LRP6: variants seen among roughly 807,000 people sequenced by gnomAD.
LRP6 encodes the protein low-density lipoprotein receptor-related protein 6.
A neutral mutation model predicts 184.1 loss-of-function variants in LRP6; 43 were observed. The ratio of observed to expected loss-of-function variants is 0.23; its 90% CI spans 0.18 to 0.30. The LOEUF (loss-of-function observed/expected upper bound fraction) is 0.30. Ranked by LOEUF, LRP6 falls within the 10% of genes least tolerant of loss-of-function variation. LRP6 has a pLI of 1.00. For missense variants in LRP6, 1,571 were observed against 2,005.3 expected (o/e 0.78, Z 4.14); for synonymous variants, 719 against 684.9 (o/e 1.05, Z -0.78).
chr12:12,129,212 TA>T (rs1209040846), intron 19 of LRP6, among the ~76,000 whole-genome samples: 2 of 152,238 alleles, frequency 1.3e-5, no homozygotes, highest in Non-Finnish European at 2.9e-5. Flanking sequence ...TCCCTGCCTA[TA>T]AGCTTATCAC....
intron 12 of LRP6, among the ~76,000 whole-genome samples, chr12:12,154,680 C>T (rs1369546137): frequency 6.6e-6 from 1 of 151,830 alleles, no homozygotes; most frequent in Admixed American, 6.6e-5. Flanking sequence ...ACCTGGGCAA[C>T]ACAGTAAGAC....
chr12:12,235,705 G>A (rs1177874732), intron 2 of LRP6, among the ~76,000 whole-genome samples: 2 of 151,732 alleles, frequency 1.3e-5, no homozygotes, highest in Non-Finnish European at 2.9e-5. Flanking sequence ...ACTCCAGCCT[G>A]GGCAACAAGG....
chr12:12,162,264 C>A lies in LRP6; in HGVS notation c.2208G>T (p.Gly736=), dbSNP rs748848379. The part of the protein sequence containing the change: ...TNRIEVSKLD[G]QHRQVLVWKD... ...TCCACACCAAAACTTGTCGGTGCTG[C>A]CCATCCAACTTTGACACCTCAATTC... The change falls in exon 10 of 23, where the codon GGG becomes GGT. Residue 736 remains glycine (G), a synonymous_variant. Coordinates refer to ENST00000261349, the MANE Select transcript of LRP6 (RefSeq NM_002336.3). 2.5e-6 allele frequency: 4 copies of A among 1,614,058 alleles called. No homozygotes were observed. In the African/African-American group the frequency reaches 5.3e-5, roughly 22 times the overall value.
intron 15 of LRP6, chr12:12,138,862 C>T (rs746918042): frequency 7.3e-7 from 1 of 1,378,420 alleles, no homozygotes; most frequent in South Asian, 1.1e-5. Flanking sequence ...TCTGGAGGAG[C>T]AGTGGTGGTG....
Position 12,203,110 on chromosome 12 carries a change from A to G in LRP6, c.647+93T>C, listed in dbSNP as rs549696989. 22 of 903,598 alleles carry G rather than the reference A, an allele frequency of 2.4e-5. 1 individual carries two copies. The East Asian group carries it at 5.7e-4, about 23-fold the overall frequency. 56.0% of individuals were successfully genotyped at this position (903,598 alleles called of 1,614,324 possible). On this transcript the variant is annotated intron_variant, in intron 3 of 22. Coordinates refer to ENST00000261349, the MANE Select transcript of LRP6 (RefSeq NM_002336.3). ...TCTTCCCCTCTGGCACTTAGTCAAAAATAAACATATTTCTTAATAAAATTA... is the reference window on the plus strand; with the variant it reads ...TCTTCCCCTCTGGCACTTAGTCAAAGATAAACATATTTCTTAATAAAATTA...
chr12:12,127,028 G>C (rs1949682116), intron 19 of LRP6, 107 bp from the exon 20 acceptor site: 6 of 912,366 alleles, frequency 6.6e-6, no homozygotes, highest in Non-Finnish European at 1.1e-5. Context: ...TAAGCCTAAT[G>C]AAGATAATTC....
At chr12:12,196,687 C>T (rs1863771847) in intron 3 of LRP6, among the ~76,000 whole-genome samples, 1 of 151,802 alleles carries the variant, frequency 6.6e-6, no homozygotes, top group South Asian at 2.1e-4. Context: ...ATTTATATGT[C>T]CAGATCTGCT....
At chr12:12,227,872 G>GT (rs1338216170) in intron 2 of LRP6, among the ~76,000 whole-genome samples, 3 of 152,170 alleles carry the variant, frequency 2.0e-5, no homozygotes, top group East Asian at 1.9e-4. Flanking sequence ...CAATTCTGTT[G>GT]TAAGTCCAAA....
chr12:12,160,468 T>G (rs929677464), intron 10 of LRP6, among the ~76,000 whole-genome samples: 4 of 152,210 alleles, frequency 2.6e-5, no homozygotes, highest in Admixed American at 6.5e-5. Context: ...ATACTAAGCC[T>G]TTAACTGAAG....
chr12:12,164,183 G>T (rs1591903771), intron 9 of LRP6, 90 bp downstream of exon 9: 4 of 1,152,734 alleles, frequency 3.5e-6, no homozygotes, highest in African/African-American at 3.1e-5. Flanking sequence ...GTCAAACAAT[G>T]AGGGAGGTGG....
chr12:12,243,734 G>A (rs188064227), intron 2 of LRP6, among the ~76,000 whole-genome samples: 5 of 152,140 alleles, frequency 3.3e-5, no homozygotes, highest in South Asian at 4.1e-4. Flanking sequence ...TGGGCAACAC[G>A]GTGAAATTCT....
intron 1 of LRP6, among the ~76,000 whole-genome samples, chr12:12,250,970 A>G (rs1391987265): frequency 6.6e-6 from 1 of 151,478 alleles, no homozygotes; most frequent in East Asian, 1.9e-4. Context: ...TCGCTCTGTC[A>G]CCCAGGCTGG....
intron 2 of LRP6, among the ~76,000 whole-genome samples, chr12:12,204,951 G>C (rs1028566338): frequency 6.6e-6 from 1 of 150,438 alleles, no homozygotes; most frequent in Admixed American, 6.6e-5. Context: ...TGGACAACAA[G>C]ACTCCGTCTC....
At chr12:12,203,683 G>A (rs909600243) in intron 2 of LRP6, among the ~76,000 whole-genome samples, 1 of 152,098 alleles carries the variant, frequency 6.6e-6, no homozygotes, top group Non-Finnish European at 1.5e-5. Flanking sequence ...CAGGAGAATC[G>A]CTTGAACCCG....
chr12:12,190,298 C>A (rs979210290), intron 3 of LRP6, among the ~76,000 whole-genome samples: 1 of 152,178 alleles, frequency 6.6e-6, no homozygotes, highest in Admixed American at 6.5e-5. Context: ...TTGATCATGG[C>A]TGCTAAGAAC....
Position 12,126,936 on chromosome 12 carries a change from G to T in LRP6, c.4082-15C>A, listed in dbSNP as rs113748179. The stretch of plus-strand genomic sequence containing the variant: ...TTCAGTCGGATCTACAATGAAGAAT[G>T]CAGTATGGTTATTTAATAGAAAAAC... On this transcript the variant is annotated splice_polypyrimidine_tract_variant and intron_variant, in intron 19 of 22. Transcript: ENST00000261349. 5 of 1,587,720 alleles carry T rather than the reference G, an allele frequency of 3.1e-6. No individual in the cohort carries two copies. In the African/African-American group the frequency reaches 4.0e-5, roughly 13 times the overall value.
intron 12 of LRP6, among the ~76,000 whole-genome samples, chr12:12,153,592 G>A (rs1320580341): frequency 6.6e-6 from 1 of 152,090 alleles, no homozygotes; most frequent in African/African-American, 2.4e-5. Flanking sequence ...CAAATTAACT[G>A]GTTATTTCTA....
intron 15 of LRP6, among the ~76,000 whole-genome samples, chr12:12,145,745 C>T (rs1949998550): frequency 1.3e-5 from 2 of 151,062 alleles, no homozygotes; most frequent in African/African-American, 4.9e-5. Context: ...GATTCTCCTG[C>T]CTCAGCCTGC....
chr12:12,133,273 T>C (rs1565539220), intron 17 of LRP6, among the ~76,000 whole-genome samples: 1 of 152,316 alleles, frequency 6.6e-6, no homozygotes, highest in East Asian at 1.9e-4. Flanking sequence ...AAATCTCATG[T>C]TGAAATGTAA....
Sources: allele counts gnomAD v4.1 joint callset (sites outside exome capture counted in the v4.1 genomes callset), GRCh38; gene constraint gnomAD v4.1.1; transcripts MANE v1.5; gene names NCBI Gene and HGNC (gene_info 2026-07-23, HGNC 2026-07-21).